The following PDZRN4 variants were observed in gnomAD, a reference collection of about 807,000 sequenced individuals.
PDZRN4 encodes the protein PDZ domain containing ring finger 4.
In PDZRN4, 70 loss-of-function variants were observed where a neutral mutation model predicts 99.0. The ratio of observed to expected loss-of-function variants is 0.71; its 90% CI spans 0.58 to 0.86. The LOEUF is 0.86. Among genes scored for constraint, PDZRN4 ranks in the 40% least tolerant of loss-of-function variants. The pLI, the probability that PDZRN4 is intolerant of heterozygous loss-of-function variation, is 0.00. For synonymous variants in PDZRN4, 551 were observed against 501.6 expected, an observed-to-expected ratio of 1.10 and a Z score of -1.32; for missense variants, 1,474 against 1,331.2, an observed-to-expected ratio of 1.11 and a Z score of -1.67.
chr12:41,514,255 T>C (rs1171508302), intron 5 of PDZRN4, among the ~76,000 whole-genome samples: 1 of 152,078 alleles, frequency 6.6e-6, no homozygotes, highest in Admixed American at 6.6e-5. Context: ...GCAGTCCTTA[T>C]GCAAGGCATA....
chr12:41,195,346 T>TC (rs1950763927), intron 3 of PDZRN4, among the ~76,000 whole-genome samples: 1 of 152,170 alleles, frequency 6.6e-6, no homozygotes, highest in Non-Finnish European at 1.5e-5. Context: ...GGCTATATAA[T>TC]CACTAGTGCT....
chr12:41,253,834 C>A (rs769502454), intron 3 of PDZRN4, among the ~76,000 whole-genome samples: 1 of 152,030 alleles, frequency 6.6e-6, no homozygotes, highest in Non-Finnish European at 1.5e-5. Context: ...TCATGTGCAG[C>A]AACATAGATG....
intron 5 of PDZRN4, among the ~76,000 whole-genome samples, chr12:41,545,972 T>C (rs1281338645): frequency 6.6e-6 from 1 of 152,044 alleles, no homozygotes; most frequent in Non-Finnish European, 1.5e-5. Context: ...GATAACGTCA[T>C]CAACTAAGAG....
chr12:41,238,648 A>G (rs1367562956), intron 3 of PDZRN4, among the ~76,000 whole-genome samples: 1 of 152,140 alleles, frequency 6.6e-6, no homozygotes, highest in Non-Finnish European at 1.5e-5. Flanking sequence ...TGATCATTAG[A>G]GAAATTCCAA....
At chr12:41,559,655 C>T (rs158190) in intron 7 of PDZRN4, among the ~76,000 whole-genome samples, 2 of 151,960 alleles carry the variant, frequency 1.3e-5, no homozygotes, top group African/African-American at 2.4e-5. Context: ...TGAAACAACA[C>T]GACTTCTAAT....
At chr12:41,288,546 G>T (rs534029940) in intron 3 of PDZRN4, among the ~76,000 whole-genome samples, 8 of 152,192 alleles carry the variant, frequency 5.3e-5, no homozygotes, top group Admixed American at 4.6e-4. Flanking sequence ...ATGGTGCAGT[G>T]TTTCTTTAAA....
chr12:41,416,387 G>A (rs1422904551), intron 3 of PDZRN4, among the ~76,000 whole-genome samples: 1 of 152,156 alleles, frequency 6.6e-6, no homozygotes, highest in South Asian at 2.1e-4. Context: ...GCTCACACCT[G>A]TAATCCCAGC....
chr12:41,266,836 T>A (rs1951280514), intron 3 of PDZRN4, among the ~76,000 whole-genome samples: 1 of 152,266 alleles, frequency 6.6e-6, no homozygotes, highest in African/African-American at 2.4e-5. Context: ...TGATGCTGTC[T>A]TTTATAATAA....
chr12:41,388,406 G>A (rs536420381), intron 3 of PDZRN4, among the ~76,000 whole-genome samples: 1 of 151,674 alleles, frequency 6.6e-6, no homozygotes, highest in Non-Finnish European at 1.5e-5. Flanking sequence ...AAAAAGGAAA[G>A]TTGGAGGAAT....
intron 3 of PDZRN4, among the ~76,000 whole-genome samples, chr12:41,235,907 T>C (rs994197734): frequency 2.0e-5 from 3 of 152,222 alleles, no homozygotes; most frequent in African/African-American, 7.2e-5. Flanking sequence ...ACACTCATTT[T>C]TTTTCATTGT....
At chr12:41,462,287 C>G (rs912646580) in intron 3 of PDZRN4, among the ~76,000 whole-genome samples, 1 of 152,114 alleles carries the variant, frequency 6.6e-6, no homozygotes, top group African/African-American at 2.4e-5. Context: ...GACAGGAATA[C>G]CTATAAAACT....
intron 3 of PDZRN4, among the ~76,000 whole-genome samples, chr12:41,347,818 G>A (rs1034774823): frequency 6.6e-6 from 1 of 152,108 alleles, no homozygotes; most frequent in African/African-American, 2.4e-5. Flanking sequence ...CATCTGTAAA[G>A]TGTATCTCAT....
chr12:41,388,935 T>C (rs1952191525), intron 3 of PDZRN4, among the ~76,000 whole-genome samples: 1 of 152,284 alleles, frequency 6.6e-6, no homozygotes, highest in Non-Finnish European at 1.5e-5. Context: ...CATGGTACTT[T>C]TCTCTCTGGA....
chr12:41,485,922 A>G (rs1937765106), intron 3 of PDZRN4, among the ~76,000 whole-genome samples: 1 of 152,174 alleles, frequency 6.6e-6, no homozygotes, highest in African/African-American at 2.4e-5. Flanking sequence ...AAAAAATTTA[A>G]CACTTACTGA....
chr12:41,476,038 C>T (rs973520228), intron 3 of PDZRN4, among the ~76,000 whole-genome samples: 1 of 152,232 alleles, frequency 6.6e-6, no homozygotes, highest in African/African-American at 2.4e-5. Flanking sequence ...CTTGTGCACA[C>T]ACACATACAC....
chr12:41,338,228 T>C lies in PDZRN4; in HGVS notation c.843+144040T>C, dbSNP rs186096129. Among the ~76,000 whole-genome samples the C allele has an allele frequency of 1.9e-3, 284 of 152,308 alleles. 1 individual carries two copies. Among genetic ancestry groups the C allele is most frequent in the Admixed American group, 2.9e-3 (45 of 15,290 alleles). On this transcript the variant is annotated intron_variant, in intron 3 of 9. Coordinates refer to ENST00000402685, the MANE Select transcript of PDZRN4 (RefSeq NM_001164595.2). ...TAATATCTATTCTGATCTTTTAATG[T>C]TCTATTTCAGTAGTAAAATGTAACC...
chr12:41,299,355 CCT>C (rs1401367920), intron 3 of PDZRN4, among the ~76,000 whole-genome samples: 3 of 151,962 alleles, frequency 2.0e-5, no homozygotes, highest in Non-Finnish European at 4.4e-5. Flanking sequence ...TTAGATTTTT[CCT>C]CTCTTTTGTA....
intron 3 of PDZRN4, among the ~76,000 whole-genome samples, chr12:41,436,784 C>T (rs574957189): frequency 1.3e-5 from 2 of 152,278 alleles, no homozygotes; most frequent in East Asian, 3.9e-4. Context: ...AACATCTAAG[C>T]TTAGTTTTTA....
chr12:41,197,746 G>T (rs190863021), intron 3 of PDZRN4, among the ~76,000 whole-genome samples: 154 of 152,176 alleles, frequency 1.0e-3, no homozygotes, highest in Non-Finnish European at 1.6e-3. Flanking sequence ...TCCTATCGAA[G>T]GTTGGGCACA....
Sources: allele counts gnomAD v4.1 joint callset (sites outside exome capture counted in the v4.1 genomes callset), GRCh38; gene constraint gnomAD v4.1.1; transcripts MANE v1.5; gene names NCBI Gene and HGNC (gene_info 2026-07-23, HGNC 2026-07-21).